The following PALM2AKAP2 variants were observed in gnomAD, a reference collection of about 807,000 sequenced individuals.
PALM2AKAP2 encodes PALM2-AKAP2 fusion protein.
A neutral mutation model predicts 71.5 loss-of-function variants in PALM2AKAP2; 37 were observed. The ratio of observed to expected loss-of-function variants is 0.52; its 90% CI spans 0.40 to 0.68. PALM2AKAP2 has a LOEUF of 0.68. Among genes scored for constraint, PALM2AKAP2 ranks in the 30% least tolerant of loss-of-function variants. The pLI is 0.00. For missense variants in PALM2AKAP2, 1,224 were observed against 1,191.8 expected, an observed-to-expected ratio of 1.03 and a Z score of -0.40; for synonymous variants, 468 against 478.8, an observed-to-expected ratio of 0.98 and a Z score of 0.29.
chr9:109,843,301 C>CAAAAAAA (rs35634219), intron 1 of PALM2AKAP2, among the ~76,000 whole-genome samples: 17 of 66,900 alleles, frequency 2.5e-4, no homozygotes, highest in Admixed American at 5.6e-4. Context: ...GCCCCTGTCT[C>CAAAAAAA]AAAAAAAAAA....
intron 1 of PALM2AKAP2, among the ~76,000 whole-genome samples, chr9:109,693,720 A>C (rs1253068852): frequency 1.3e-5 from 2 of 152,008 alleles, no homozygotes; most frequent in Non-Finnish European, 2.9e-5. Context: ...ATTTAGAAAT[A>C]TGTTGTTTAA....
chr9:109,970,255 G>C (rs1210728501), intron 6 of PALM2AKAP2, among the ~76,000 whole-genome samples: 1 of 152,156 alleles, frequency 6.6e-6, no homozygotes, highest in Non-Finnish European at 1.5e-5. Context: ...ACAGAATACA[G>C]GTACTGATTT....
chr9:109,744,034 A>G (rs1271943371), intron 1 of PALM2AKAP2, among the ~76,000 whole-genome samples: 1 of 152,216 alleles, frequency 6.6e-6, no homozygotes, highest in Non-Finnish European at 1.5e-5. Flanking sequence ...GTGAAAATGA[A>G]AATGTGAAAT....
In PALM2AKAP2 at chr9:110,031,656, C is replaced by T. The variant is rs531618520; in HGVS notation, c.582+15617C>T. 2.0e-5 allele frequency among the ~76,000 whole-genome samples: 3 copies of T among 152,244 alleles called. No individual in the cohort carries two copies. In the South Asian group the frequency reaches 6.2e-4, roughly 32 times the overall value. On this transcript the variant is annotated intron_variant, in intron 7 of 9. Transcript: ENST00000302798. ...AACAAGGTGCAGAGAGATTAAGTAACTTGTCTAAGGTCACACAGACAAGGA... is the reference window on the plus strand; with the variant it reads ...AACAAGGTGCAGAGAGATTAAGTAATTTGTCTAAGGTCACACAGACAAGGA...
chr9:109,732,072 G>A (rs1473622515), intron 1 of PALM2AKAP2, among the ~76,000 whole-genome samples: 5 of 152,192 alleles, frequency 3.3e-5, no homozygotes, highest in Non-Finnish European at 7.3e-5. Flanking sequence ...GAGACAGGAA[G>A]ACCCCAACGA....
At chr9:109,725,342 A>G (rs1263220144) in intron 1 of PALM2AKAP2, among the ~76,000 whole-genome samples, 1 of 152,116 alleles carries the variant, frequency 6.6e-6, no homozygotes, top group Non-Finnish European at 1.5e-5. Context: ...ATTTGTTTTG[A>G]TTACTGAGGT....
At chr9:110,061,628 T>C (rs967625268) in intron 1 of PALM2AKAP2, among the ~76,000 whole-genome samples, 11 of 148,034 alleles carry the variant, frequency 7.4e-5, no homozygotes, top group African/African-American at 2.5e-4. Flanking sequence ...ATAAAATATA[T>C]ATATTTATTT....
At chr9:109,954,940 G>C (rs1588031419) in intron 6 of PALM2AKAP2, among the ~76,000 whole-genome samples, 1 of 152,206 alleles carries the variant, frequency 6.6e-6, no homozygotes, top group African/African-American at 2.4e-5. Flanking sequence ...AGCTGATGGT[G>C]GTTGCTAACT....
At chr9:109,745,794 A>G (rs1240653985) in intron 1 of PALM2AKAP2, among the ~76,000 whole-genome samples, 1 of 152,066 alleles carries the variant, frequency 6.6e-6, no homozygotes, top group Non-Finnish European at 1.5e-5. Flanking sequence ...GATTTACGCA[A>G]TGGTCTGGGT....
intron 1 of PALM2AKAP2, among the ~76,000 whole-genome samples, chr9:109,695,742 A>G (rs1827960335): frequency 6.6e-6 from 1 of 152,214 alleles, no homozygotes; most frequent in African/African-American, 2.4e-5. Flanking sequence ...ATAGAACTGG[A>G]GGTCATTATT....
chr9:109,736,670 T>G (rs990198682), intron 1 of PALM2AKAP2, among the ~76,000 whole-genome samples: 89 of 152,314 alleles, frequency 5.8e-4, no homozygotes, highest in African/African-American at 2.0e-3. Flanking sequence ...CGCGTAGTGG[T>G]GACATCTGGG....
chr9:109,764,218 G>A (rs1829108164), intron 1 of PALM2AKAP2, among the ~76,000 whole-genome samples: 4 of 152,024 alleles, frequency 2.6e-5, no homozygotes, highest in African/African-American at 7.3e-5. Flanking sequence ...ACACCCTCAA[G>A]TGGCTCCCTG....
chr9:110,119,020 G>C (rs1041946420), intron 1 of PALM2AKAP2, among the ~76,000 whole-genome samples: 1 of 152,094 alleles, frequency 6.6e-6, no homozygotes, highest in Non-Finnish European at 1.5e-5. Flanking sequence ...GAGTTCTTCT[G>C]TTCTTTTAAA....
intron 6 of PALM2AKAP2, among the ~76,000 whole-genome samples, chr9:109,937,295 TG>T (rs1009464178): frequency 3.0e-4 from 45 of 152,146 alleles, no homozygotes; most frequent in African/African-American, 9.4e-4. Context: ...GCTCCACACC[TG>T]GGTGTTTTCA....
chr9:109,720,801 A>C (rs543487529), intron 1 of PALM2AKAP2, among the ~76,000 whole-genome samples: 20 of 152,244 alleles, frequency 1.3e-4, no homozygotes, highest in Admixed American at 1.2e-3. Context: ...TCACTCATTC[A>C]CTCATTCACA....
intron 1 of PALM2AKAP2, among the ~76,000 whole-genome samples, chr9:110,122,705 C>T (rs1037807545): frequency 2.6e-5 from 4 of 152,214 alleles, no homozygotes; most frequent in Non-Finnish European, 4.4e-5. Context: ...TTGAAGTTTA[C>T]TTCCCAGTCA....
At chr9:109,779,360 G>A (rs912439941), upstream of PALM2AKAP2, among the ~76,000 whole-genome samples, 3 of 152,188 alleles carry the variant, frequency 2.0e-5, no homozygotes, top group East Asian at 3.8e-4. Context: ...ATATTTTAGT[G>A]AGTAGATCCT....
At chr9:109,872,153 A>G (rs1217591969) in intron 2 of PALM2AKAP2, among the ~76,000 whole-genome samples, 1 of 152,126 alleles carries the variant, frequency 6.6e-6, no homozygotes, top group Non-Finnish European at 1.5e-5. Context: ...ATAGCTTTTT[A>G]ATATATTGTA....
chr9:109,676,988 T>C (rs1033494501), intron 1 of PALM2AKAP2, among the ~76,000 whole-genome samples: 1 of 152,256 alleles, frequency 6.6e-6, no homozygotes, highest in Middle Eastern at 3.4e-3. Context: ...GTAGGAGAGA[T>C]TCCCATGAGT....
Sources: gnomAD v4.1 joint callset for allele counts (sites outside exome capture counted in the v4.1 genomes callset) on GRCh38, gnomAD v4.1.1 for gene constraint, MANE v1.5 for transcripts, NCBI Gene and HGNC (gene_info 2026-07-23, HGNC 2026-07-21) for gene names.